The following PROSER3 variants were observed in gnomAD, a reference collection of about 807,000 sequenced individuals.
PROSER3 encodes proline and serine-rich protein 3.
PROSER3 carries 33 observed loss-of-function variants against 50.2 expected under a neutral mutation model. That is an observed-to-expected ratio of 0.66 (90% CI 0.50 to 0.88). The LOEUF (loss-of-function observed/expected upper bound fraction) is 0.88, where lower values mean the gene tolerates loss of function less well. Among genes scored for constraint, PROSER3 ranks in the 40% least tolerant of loss-of-function variants. The pLI is 0.00. For missense variants in PROSER3, 623 were observed against 612.7 expected (o/e 1.02, Z -0.18); for synonymous variants, 266 against 259.3 (o/e 1.03, Z -0.25).
Position 35,768,150 on chromosome 19 carries a change from C to A in PROSER3, c.1220-5C>A. ...TTGGAGCTCATTCTTTTCTCCCCGG[C>A]CCAGACTCCGACGGCAGCGAGTTCC... On this transcript the variant is annotated splice_polypyrimidine_tract_variant and splice_region_variant and intron_variant, in intron 9 of 10. Coordinates refer to ENST00000396908, the Ensembl canonical transcript of PROSER3. The A allele has an allele frequency of 6.2e-7, 1 of 1,612,742 alleles. No homozygotes were observed.
At chr19:35,765,142 T>C (rs1234659933) in exon 7 of PROSER3, 1 of 1,613,852 alleles carries the variant, frequency 6.2e-7, no homozygotes, top group Admixed American at 1.7e-5. Flanking sequence ...CCTTCATCCC[T>C]GACTCCAGCA....
At chr19:35,767,082 C>T in intron 8 of PROSER3, 1 of 1,194,090 alleles carries the variant, frequency 8.4e-7, no homozygotes, top group Non-Finnish European at 1.1e-6. Context: ...ACCTCTCCTG[C>T]TCCAGTGGAG....
intron 5 of PROSER3, 102 bp from the exon 6 acceptor site, chr19:35,764,752 G>A: frequency 9.5e-7 from 1 of 1,050,004 alleles, no homozygotes; most frequent in Non-Finnish European, 1.4e-6. Context: ...GGCATGTGAG[G>A]TTACCAAGGG....
intron 1 of PROSER3, 146 bp from the exon 2 acceptor site, chr19:35,759,228 G>A (rs1439897726): frequency 7.3e-6 from 5 of 684,514 alleles, no homozygotes; most frequent in South Asian, 5.5e-5. Flanking sequence ...TCGATATCCT[G>A]AATGTGCAAC....
intron 7 of PROSER3, 142 bp from the exon 8 acceptor site, chr19:35,766,626 C>T (rs1971149709): frequency 1.6e-6 from 1 of 609,328 alleles, no homozygotes; most frequent in Non-Finnish European, 2.9e-6. Flanking sequence ...CTCTTCCCAC[C>T]CCAGAGAGGA....
exon 11 of PROSER3, chr19:35,768,701 C>T (rs1333429714): frequency 8.8e-6 from 7 of 795,184 alleles, no homozygotes; most frequent in South Asian, 2.5e-5. Flanking sequence ...CTCTGCCCTG[C>T]CCCCCACCCC....
intron 5 of PROSER3, among the ~76,000 whole-genome samples, chr19:35,764,447 G>T (rs530400821): frequency 1.3e-5 from 2 of 151,946 alleles, no homozygotes; most frequent in African/African-American, 4.8e-5. Flanking sequence ...ACCTGAGGTC[G>T]CGAGTTTGAG....
intron 5 of PROSER3, among the ~76,000 whole-genome samples, chr19:35,763,437 C>T (rs1399002641): frequency 6.6e-6 from 1 of 151,206 alleles, no homozygotes; most frequent in Admixed American, 6.6e-5. Context: ...AACTCCTGAC[C>T]TCCGGCAATC....
At chr19:35,766,640 G>A in intron 7 of PROSER3, 128 bp from the exon 8 acceptor site, 1 of 647,542 alleles carries the variant, frequency 1.5e-6, no homozygotes, top group South Asian at 2.2e-5. Context: ...GAGAGGAGCT[G>A]GGACAGTATC....
chr19:35,758,349 C>G, intron 1 of PROSER3, 123 bp downstream of exon 1: 4 of 1,278,228 alleles, frequency 3.1e-6, no homozygotes, highest in Non-Finnish European at 4.2e-6. Flanking sequence ...ACTGGAACTA[C>G]AATTCCCAAC....
In PROSER3 at chr19:35,767,931, CCA is replaced by C. The variant is rs1568414766; in HGVS notation, c.1088_1089del (p.Thr363SerfsTer24). 4 of 1,612,310 alleles carry C rather than the reference CCA, an allele frequency of 2.5e-6. No homozygotes were observed. Among genetic ancestry groups the C allele is most frequent in the Non-Finnish European group, 3.4e-6 (4 of 1,179,674 alleles). ...CCACTCTCTCCAGCTGAGCAGGCAACCACAGTCAAGGCCTCGCCGCCAGCCTT... is the reference window on the plus strand; with the variant it reads ...CCACTCTCTCCAGCTGAGCAGGCAACCAGTCAAGGCCTCGCCGCCAGCCTT... On this transcript the variant is annotated frameshift_variant, in exon 9 of 11. Transcript: ENST00000396908. LOFTEE classifies it high-confidence loss of function.
At chr19:35,763,485 C>T (rs896570269) in intron 5 of PROSER3, among the ~76,000 whole-genome samples, 18 of 150,190 alleles carry the variant, frequency 1.2e-4, no homozygotes, top group African/African-American at 3.9e-4. Context: ...GGATTATAGG[C>T]GTGAACCACC....
chr19:35,770,494 G>T (rs1971297594), downstream of PROSER3, among the ~76,000 whole-genome samples: 1 of 152,202 alleles, frequency 6.6e-6, no homozygotes, highest in Admixed American at 6.5e-5. Flanking sequence ...AAGAGGCAGA[G>T]TCTATGTCCC....
At position 35,767,588 on chromosome 19, in the gene PROSER3, G is replaced by A. The variant is rs539127094; in HGVS notation, c.958-216G>A. 40 of 600,044 alleles carry A rather than the reference G, an allele frequency of 6.7e-5. 1 individual carries two copies. The highest frequency in any genetic ancestry group is 4.8e-4 in the Admixed American group (15 of 31,158). The allele number at this position is 600,044 out of a possible 1,614,324, so 37.2% of individuals were successfully genotyped here. Reference sequence around the variant, plus strand: ...CAGAGCCCCTCGCCCAGAGGCTGCCGAGCAAGTCCCTGCAGCTGGCCAGGG... The same window carrying A: ...CAGAGCCCCTCGCCCAGAGGCTGCCAAGCAAGTCCCTGCAGCTGGCCAGGG... On this transcript the variant is annotated intron_variant, in intron 8 of 10. Transcript: ENST00000396908.
At chr19:35,768,357 A>G in intron 10 of PROSER3, 47 bp from the exon 11 acceptor site, 1 of 1,584,082 alleles carries the variant, frequency 6.3e-7, no homozygotes, top group Middle Eastern at 1.9e-4. Context: ...CCCAGATTCT[A>G]AGCCTGAGCA....
chr19:35,761,078 G>T (rs1203329635), intron 3 of PROSER3, among the ~76,000 whole-genome samples: 1 of 152,202 alleles, frequency 6.6e-6, no homozygotes, highest in Non-Finnish European at 1.5e-5. Context: ...CGAACTCTAG[G>T]CCGTTGCCCT....
chr19:35,760,668 G>A (rs1023254860), intron 3 of PROSER3, among the ~76,000 whole-genome samples: 3 of 152,020 alleles, frequency 2.0e-5, no homozygotes, highest in African/African-American at 7.2e-5. Context: ...TGTATTTTTA[G>A]TAGAGATGGG....
At chr19:35,765,512 G>A (rs776576651) in intron 7 of PROSER3, among the ~76,000 whole-genome samples, 12 of 151,974 alleles carry the variant, frequency 7.9e-5, no homozygotes, top group Non-Finnish European at 1.2e-4. Flanking sequence ...CCTGGGAGGC[G>A]GAGGTTGCAG....
intron 5 of PROSER3, chr19:35,762,662 G>C (rs982786079): frequency 3.5e-5 from 10 of 286,984 alleles, no homozygotes; most frequent in Admixed American, 1.5e-4. Flanking sequence ...GGAGTTCAAG[G>C]CTGCTGTGAG....
Sources: gnomAD v4.1 joint callset for allele counts (sites outside exome capture counted in the v4.1 genomes callset) on GRCh38, gnomAD v4.1.1 for gene constraint, MANE v1.5 for transcripts, NCBI Gene and HGNC (gene_info 2026-07-23, HGNC 2026-07-21) for gene names.